The following CNTN5 variants were observed in gnomAD, a reference collection of about 807,000 sequenced individuals.
The protein encoded by CNTN5 is contactin 5.
CNTN5 carries 77 observed loss-of-function variants against 129.1 expected under a neutral mutation model. The observed-to-expected ratio is 0.60, with a 90% CI of 0.50 to 0.72. CNTN5 has a LOEUF of 0.72. CNTN5 is among the 30% of genes least tolerant of loss of function. CNTN5 has a pLI of 0.00. For missense variants in CNTN5, 1,478 were observed against 1,328.8 expected (o/e 1.11, Z -1.75); for synonymous variants, 509 against 465.6 (o/e 1.09, Z -1.20).
chr11:99,698,328 G>A (rs771529159), intron 3 of CNTN5, among the ~76,000 whole-genome samples: 1 of 151,212 alleles, frequency 6.6e-6, no homozygotes, highest in Non-Finnish European at 1.5e-5. Context: ...CTAGAGAAGA[G>A]AAGAAAGCTA....
At chr11:99,630,323 C>T (rs1951295870) in intron 3 of CNTN5, among the ~76,000 whole-genome samples, 1 of 151,578 alleles carries the variant, frequency 6.6e-6, no homozygotes, top group African/African-American at 2.4e-5. Context: ...ACAGTAATTG[C>T]CTCTGGAGAG....
intron 1 of CNTN5, among the ~76,000 whole-genome samples, chr11:99,134,747 A>C (rs2155557): frequency 0.91 from 138,122 of 151,978 alleles, 63,021 homozygotes; most frequent in East Asian, 0.99. Flanking sequence ...CATCAAACAA[A>C]ACAAAATAAA....
intron 1 of CNTN5, among the ~76,000 whole-genome samples, chr11:99,154,475 A>C (rs116955975): frequency 6.6e-6 from 1 of 152,132 alleles, no homozygotes; most frequent in Non-Finnish European, 1.5e-5. Flanking sequence ...ATCTGAGGTG[A>C]TGGGTGGCAA....
intron 1 of CNTN5, among the ~76,000 whole-genome samples, chr11:99,268,210 G>A (rs1863000515): frequency 1.3e-5 from 2 of 151,816 alleles, no homozygotes; most frequent in African/African-American, 2.4e-5. Flanking sequence ...AATAAACCCA[G>A]AATAAAAAGT....
intron 4 of CNTN5, among the ~76,000 whole-genome samples, chr11:99,828,532 C>A (rs958364314): frequency 6.6e-6 from 1 of 152,134 alleles, no homozygotes; most frequent in Non-Finnish European, 1.5e-5. Flanking sequence ...AATGCTGTTA[C>A]AATATCAATT....
At chr11:99,882,487 G>T (rs926921269) in intron 6 of CNTN5, among the ~76,000 whole-genome samples, 3 of 152,138 alleles carry the variant, frequency 2.0e-5, no homozygotes, top group Admixed American at 1.3e-4. Flanking sequence ...GCAAGAACCA[G>T]CAGTAAAACA....
intron 2 of CNTN5, among the ~76,000 whole-genome samples, chr11:99,457,434 T>TA (rs1330580941): frequency 1.3e-5 from 2 of 151,772 alleles, no homozygotes; most frequent in Admixed American, 6.6e-5. Flanking sequence ...AGAGCAGTTT[T>TA]AAAAAAAGAA....
intron 2 of CNTN5, among the ~76,000 whole-genome samples, chr11:99,499,901 AG>A (rs1946364677): frequency 6.6e-6 from 1 of 152,182 alleles, no homozygotes. Context: ...CCATAGAAAA[AG>A]TTAGACTTAC....
intron 3 of CNTN5, among the ~76,000 whole-genome samples, chr11:99,723,506 G>A (rs935218038): frequency 1.3e-5 from 2 of 151,972 alleles, no homozygotes; most frequent in Non-Finnish European, 2.9e-5. Flanking sequence ...AGAAACCAAC[G>A]TAGACAATTT....
rs1006343807 is a variant in CNTN5, at chr11:100,358,831, T to C, written c.*2611T>C. ...ACAGTCAAATAATAGTTCTGTGTACTGTTCTTGTAACATTAGATCTTTTTA... is the reference window on the plus strand; with the variant it reads ...ACAGTCAAATAATAGTTCTGTGTACCGTTCTTGTAACATTAGATCTTTTTA... On this transcript the variant is annotated 3_prime_UTR_variant, in exon 25 of 25. Coordinates refer to ENST00000524871, the MANE Select transcript of CNTN5 (RefSeq NM_014361.4). The C allele has an allele frequency of 6.6e-6, 1 of 151,952 alleles. No individual in the cohort carries two copies. The highest frequency in any genetic ancestry group is 6.6e-5 in the Admixed American group (1 of 15,228). The allele number at this position is 151,952 out of a possible 1,614,324, so 9.4% of individuals were successfully genotyped here.
At chr11:99,289,579 T>A (rs1864081880) in intron 1 of CNTN5, among the ~76,000 whole-genome samples, 2 of 151,908 alleles carry the variant, frequency 1.3e-5, no homozygotes, top group South Asian at 4.1e-4. Flanking sequence ...TCACCTTTTA[T>A]GTATTCAATC....
At chr11:99,713,412 T>G (rs1352727850) in intron 3 of CNTN5, among the ~76,000 whole-genome samples, 1 of 151,980 alleles carries the variant, frequency 6.6e-6, no homozygotes, top group East Asian at 1.9e-4. Flanking sequence ...ATGATGGGGT[T>G]TTCTAAATAC....
intron 1 of CNTN5, among the ~76,000 whole-genome samples, chr11:99,179,284 A>T (rs1857930570): frequency 6.6e-6 from 1 of 152,034 alleles, no homozygotes; most frequent in Non-Finnish European, 1.5e-5. Flanking sequence ...TCTACTAAAA[A>T]TACAAAAATT....
At chr11:99,069,004 T>C (rs573504541) in intron 1 of CNTN5, among the ~76,000 whole-genome samples, 3 of 152,240 alleles carry the variant, frequency 2.0e-5, no homozygotes, top group Admixed American at 2.0e-4. Context: ...CCCCACCTTG[T>C]CTGGCATCAT....
chr11:99,690,697 C>T (rs552913102), intron 3 of CNTN5, among the ~76,000 whole-genome samples: 20 of 152,066 alleles, frequency 1.3e-4, no homozygotes, highest in Admixed American at 3.3e-4. Flanking sequence ...TCACATCCCT[C>T]GTTAGCTGTA....
At chr11:99,276,253 C>T (rs1340842682) in intron 1 of CNTN5, among the ~76,000 whole-genome samples, 2 of 151,662 alleles carry the variant, frequency 1.3e-5, no homozygotes, top group African/African-American at 4.8e-5. Context: ...TAGAAATTAA[C>T]ATTTTGTCAA....
At chr11:100,048,274 C>A (rs10791129) in intron 9 of CNTN5, among the ~76,000 whole-genome samples, 1 of 152,014 alleles carries the variant, frequency 6.6e-6, no homozygotes, top group African/African-American at 2.4e-5. Context: ...ATTTCTCAAA[C>A]TTTCAACTTC....
At chr11:99,848,024 A>G (rs1435612321) in intron 6 of CNTN5, among the ~76,000 whole-genome samples, 1 of 152,184 alleles carries the variant, frequency 6.6e-6, no homozygotes, top group Non-Finnish European at 1.5e-5. Flanking sequence ...CATCCTGGCG[A>G]ACACGGTGAA....
chr11:100,064,260 C>G (rs149839707), intron 10 of CNTN5, among the ~76,000 whole-genome samples: 36 of 152,226 alleles, frequency 2.4e-4, no homozygotes, highest in African/African-American at 6.3e-4. Flanking sequence ...TTATGCTTAG[C>G]TATTAGTTTC....
Sources: allele counts gnomAD v4.1 joint callset (sites outside exome capture counted in the v4.1 genomes callset), GRCh38; gene constraint gnomAD v4.1.1; transcripts MANE v1.5; gene names NCBI Gene and HGNC (gene_info 2026-07-23, HGNC 2026-07-21).